The following FEZ2 variants were observed in gnomAD, a reference collection of about 807,000 sequenced individuals.
FEZ2 encodes the protein fasciculation and elongation protein zeta 2.
FEZ2 carries 51 observed loss-of-function variants against 40.4 expected under a neutral mutation model. The ratio of observed to expected loss-of-function variants is 1.26; its 90% CI spans 1.01 to 1.59. The LOEUF (loss-of-function observed/expected upper bound fraction) is 1.59. Among genes scored for constraint, FEZ2 ranks in the 40% most tolerant of loss-of-function variants. FEZ2 has a pLI of 0.00. For missense variants in FEZ2, 640 were observed against 438.3 expected (o/e 1.46, Z -4.11); for synonymous variants, 242 against 172.0 (o/e 1.41, Z -3.18).
chr2:36,597,004 T>A (rs1669244034), intron 1 of FEZ2, among the ~76,000 whole-genome samples: 1 of 152,138 alleles, frequency 6.6e-6, no homozygotes, highest in Admixed American at 6.5e-5. Context: ...CCCGTGAACC[T>A]CCTATCATTG....
At chr2:36,554,078 G>C (rs879225313) in intron 7 of FEZ2, 1 of 359,916 alleles carries the variant, frequency 2.8e-6, no homozygotes, top group African/African-American at 2.1e-5. Flanking sequence ...TTTCCACCCA[G>C]TCCTCACAAT....
chr2:36,565,870 AC>A (rs1023897301), intron 5 of FEZ2, among the ~76,000 whole-genome samples: 2 of 151,770 alleles, frequency 1.3e-5, no homozygotes, highest in Admixed American at 1.3e-4. Flanking sequence ...CAGCAGTACC[AC>A]CCCCATCCTT....
intron 1 of FEZ2, 30 bp downstream of exon 1, chr2:36,597,847 G>A (rs565151559): frequency 3.8e-5 from 50 of 1,325,872 alleles, no homozygotes; most frequent in Non-Finnish European, 4.6e-5. Context: ...GGAGGCTCCC[G>A]CCCACTCCCG....
intron 2 of FEZ2, chr2:36,583,953 C>A (rs147763767): frequency 0.012 from 1,826 of 152,918 alleles, 16 homozygotes; most frequent in Non-Finnish European, 0.019. Flanking sequence ...ATTGCACATT[C>A]CTTCTTAACA....
intron 2 of FEZ2, chr2:36,589,680 G>A (rs1180580519): frequency 6.6e-6 from 1 of 152,172 alleles, no homozygotes; most frequent in Non-Finnish European, 1.5e-5. Context: ...AGCTTAATGG[G>A]ATTAATGACT....
chr2:36,560,327 G>A (rs1198634648), intron 5 of FEZ2, among the ~76,000 whole-genome samples: 1 of 152,162 alleles, frequency 6.6e-6, no homozygotes, highest in Non-Finnish European at 1.5e-5. Context: ...ATTTAAAGGA[G>A]GTAAGATACA....
At chr2:36,570,963 T>G (rs919391163) in intron 5 of FEZ2, among the ~76,000 whole-genome samples, 4 of 151,232 alleles carry the variant, frequency 2.6e-5, no homozygotes, top group African/African-American at 9.7e-5. Flanking sequence ...AACAATGACC[T>G]CTCTAACACA....
At chr2:36,588,728 G>T (rs1030025341) in intron 2 of FEZ2, among the ~76,000 whole-genome samples, 1 of 150,390 alleles carries the variant, frequency 6.6e-6, no homozygotes, top group Non-Finnish European at 1.5e-5. Context: ...TCGGTTTTCG[G>T]TTTTTTATTT....
At chr2:36,579,704 T>G (rs564622423) in intron 4 of FEZ2, among the ~76,000 whole-genome samples, 1 of 152,212 alleles carries the variant, frequency 6.6e-6, no homozygotes, top group Non-Finnish European at 1.5e-5. Flanking sequence ...TAAACCTCTT[T>G]TCGTATAAAT....
chr2:36,581,301 C>G lies in FEZ2; in HGVS notation c.623G>C (p.Ser208Thr). ...GCAGGCTCCCTTACTCTCTTCATAA[C>G]TGCCGGTACTAGACCTCTTGAGAGT... ...IQTLKRSSTG[S>T]YEERVKRLSV... The change falls in exon 4 of 8, where the codon AGT becomes ACT. Residue 208 changes from serine (S) to threonine (T), a missense_variant. Transcript: ENST00000405912. 1 of 1,613,890 alleles carries G rather than the reference C, an allele frequency of 6.2e-7. No homozygotes were observed. The highest frequency in any genetic ancestry group is 1.1e-5 in the South Asian group (1 of 91,076).
At chr2:36,567,805 A>G (rs1271037046) in intron 5 of FEZ2, among the ~76,000 whole-genome samples, 1 of 152,006 alleles carries the variant, frequency 6.6e-6, no homozygotes, top group Non-Finnish European at 1.5e-5. Flanking sequence ...TAGGATAATC[A>G]AAGAGTAGCA....
At chr2:36,566,092 A>G (rs1258521403) in intron 5 of FEZ2, among the ~76,000 whole-genome samples, 1 of 152,180 alleles carries the variant, frequency 6.6e-6, no homozygotes, top group African/African-American at 2.4e-5. Context: ...ACTGTGGATC[A>G]ATTAATGTTT....
chr2:36,554,474 CTAG>C (rs1667903424), intron 7 of FEZ2, among the ~76,000 whole-genome samples: 1 of 152,042 alleles, frequency 6.6e-6, no homozygotes, highest in Admixed American at 6.5e-5. Flanking sequence ...TGTTTCACAT[CTAG>C]AAGAACGAAC....
chr2:36,555,436 C>A (rs1330219484), intron 7 of FEZ2: 1 of 310,466 alleles, frequency 3.2e-6, no homozygotes, highest in African/African-American at 2.2e-5. Flanking sequence ...TACTACCTCT[C>A]TTGATGTTTA....
chr2:36,564,784 C>T (rs1225563553), intron 5 of FEZ2, among the ~76,000 whole-genome samples: 3 of 152,162 alleles, frequency 2.0e-5, no homozygotes, highest in Admixed American at 2.0e-4. Context: ...GTTCACGCCA[C>T]AGCTAGTGTG....
At chr2:36,582,584 T>TA (rs1404771899) in intron 3 of FEZ2, among the ~76,000 whole-genome samples, 3 of 152,200 alleles carry the variant, frequency 2.0e-5, no homozygotes, top group African/African-American at 7.2e-5. Context: ...CTTGCTTTTT[T>TA]AAGCACCACA....
chr2:36,562,757 G>A (rs984743352), intron 5 of FEZ2, among the ~76,000 whole-genome samples: 1 of 152,150 alleles, frequency 6.6e-6, no homozygotes, highest in Non-Finnish European at 1.5e-5. Context: ...AGGCTTCAGA[G>A]TATATAATAA....
At chr2:36,590,263 G>C (rs1364838789) in intron 2 of FEZ2, 1 of 152,168 alleles carries the variant, frequency 6.6e-6, no homozygotes, top group African/African-American at 2.4e-5. Flanking sequence ...ATGTCTAGCA[G>C]GTCACTACAC....
intron 5 of FEZ2, among the ~76,000 whole-genome samples, chr2:36,568,799 G>A (rs1033485439): frequency 2.2e-4 from 33 of 152,198 alleles, no homozygotes; most frequent in Admixed American, 2.1e-3. Flanking sequence ...CCACTGCCTC[G>A]TGGTTGTTTC....
Sources: gnomAD v4.1 joint callset for allele counts (sites outside exome capture counted in the v4.1 genomes callset) on GRCh38, gnomAD v4.1.1 for gene constraint, MANE v1.5 for transcripts, NCBI Gene and HGNC (gene_info 2026-07-23, HGNC 2026-07-21) for gene names.